Variants in IL9R observed in about 807,000 individuals in gnomAD.
The protein encoded by IL9R is interleukin-9 receptor.
A neutral mutation model predicts 56.3 loss-of-function variants in IL9R; 54 were observed. That is an observed-to-expected ratio of 0.96 (90% CI 0.77 to 1.20). IL9R has a LOEUF of 1.20. IL9R is among the 50% of genes most tolerant of loss of function. The probability of loss-of-function intolerance (pLI) is 0.00; values close to 1 mark genes in which losing one functional copy is unlikely to be tolerated. For missense variants in IL9R, 545 were observed against 629.8 expected, an observed-to-expected ratio of 0.87 and a Z score of 1.44; for synonymous variants, 212 against 250.2, an observed-to-expected ratio of 0.85 and a Z score of 1.44.
chrX:156,007,043 G>T (rs1353117618), intron 7 of IL9R, among the ~76,000 whole-genome samples: 1 of 151,976 alleles, frequency 6.6e-6, no homozygotes, highest in Non-Finnish European at 1.5e-5. Context: ...GTGGGGAAAT[G>T]GGGGACAGCC....
In IL9R at chrX:156,008,854, G is replaced by A. The variant is rs751022716; in HGVS notation, c.973-962G>A. ...TTTGAAAGTCACCAGTCCTGACAGC[G>A]ATTCGTGTGTGTGTCTGTGTGTGTG... On this transcript the variant is annotated intron_variant, in intron 8 of 8. Transcript: ENST00000244174. 8.6e-5 allele frequency among the ~76,000 whole-genome samples: 13 copies of A among 151,630 alleles called. No individual in the cohort carries two copies. The East Asian group carries it at 2.5e-3, about 29-fold the overall frequency.
At chrX:155,999,613 G>C (rs1342232746) in intron 1 of IL9R, among the ~76,000 whole-genome samples, 4 of 152,106 alleles carry the variant, frequency 2.6e-5, no homozygotes, top group African/African-American at 9.7e-5. Flanking sequence ...TCCAGAGAGG[G>C]AGCTGGCCCC....
In IL9R at chrX:156,003,751, C is replaced by G; in HGVS notation, c.329C>G (p.Ala110Gly). The G allele has an allele frequency of 6.2e-7, 1 of 1,613,976 alleles. No homozygotes were observed. The highest frequency in any genetic ancestry group is 1.1e-5 in the South Asian group (1 of 91,058). Residue 110 changes from alanine (A) to glycine (G), a missense_variant, in exon 4 of 9, where the codon GCA becomes GGA. Around this residue, in one of 2 missense-constraint regions of IL9R, gnomAD observed 431 missense variants for 360.0 expected, o/e 1.20. Coordinates refer to ENST00000244174, the MANE Select transcript of IL9R (RefSeq NM_002186.3). The part of the protein sequence containing the change: ...SECTVVLPPE[A>G]VLVPSDNFTI... The stretch of plus-strand genomic sequence containing the variant: ...TGCACCGTCGTGCTGCCACCTGAGG[C>G]AGTGCTCGTGCCATCTGACAATTTC...
chrX:156,000,675 A>G (rs2067458119), intron 1 of IL9R, among the ~76,000 whole-genome samples: 2 of 152,186 alleles, frequency 1.3e-5, no homozygotes, highest in African/African-American at 2.4e-5. Context: ...ATTCAGGAGC[A>G]GGGAGCCTGT....
intron 4 of IL9R, chrX:156,004,165 C>A (rs1413197436): frequency 1.7e-6 from 1 of 599,876 alleles, no homozygotes; most frequent in Admixed American, 3.0e-5. Context: ...CTGGGAAAAG[C>A]TTCCAGCAGC....
rs766998145 is a variant in IL9R, at chrX:156,006,115, A to C, written c.814A>C (p.Asn272His). The C allele has an allele frequency of 1.2e-6, 2 of 1,601,184 alleles. No homozygotes were observed. Among genetic ancestry groups the C allele is most frequent in the South Asian group, 2.2e-5 (2 of 90,742 alleles). The change falls in exon 7 of 9, where the codon AAC becomes CAC. Residue 272 changes from asparagine (N) to histidine (H), a missense_variant. Around this residue, in one of 2 missense-constraint regions of IL9R, gnomAD observed 431 missense variants for 360.0 expected, o/e 1.20. Coordinates refer to ENST00000244174, the MANE Select transcript of IL9R (RefSeq NM_002186.3). ...PLIPPWGWPGNTLVAVSIFLL... is the reference protein window; with the variant it reads ...PLIPPWGWPGHTLVAVSIFLL... ...GATCCCACCCTGGGGGTGGCCAGGC[A>C]ACACCCTTGTTGCTGTGTCCATCTT...
At chrX:156,006,004 C>T (rs3093510) in intron 6 of IL9R, 79 bp from the exon 7 acceptor site, 107,383 of 683,076 alleles carry the variant, frequency 0.16, 7,975 homozygotes, top group Middle Eastern at 0.27. Context: ...CACTAAAGGG[C>T]GCACCTTTGC....
intron 8 of IL9R, among the ~76,000 whole-genome samples, chrX:156,009,326 CTG>C (rs1399403207): frequency 9.6e-5 from 12 of 125,314 alleles, no homozygotes; most frequent in South Asian, 5.0e-4. Context: ...GTGTTTATGT[CTG>C]TGTGTGTTTG....
Position 156,009,682 on chromosome X carries a change from C to A in IL9R, c.973-134C>A. 5 of 516,960 alleles carry A rather than the reference C, an allele frequency of 9.7e-6. 1 individual carries two copies. Among genetic ancestry groups the A allele is most frequent in the South Asian group, 2.7e-5 (1 of 36,690 alleles). 32.0% of individuals were successfully genotyped at this position (516,960 alleles called of 1,614,324 possible). On this transcript the variant is annotated intron_variant, in intron 8 of 8. Transcript: ENST00000244174. The stretch of plus-strand genomic sequence containing the variant: ...GTCCAAGACACAGGCGCTGCTTGGC[C>A]TCTGGGTGTGGACCTCAGGAGGGCT...
Position 156,003,131 on chromosome X carries a change from C to T in IL9R, c.142+112C>T, listed in dbSNP as rs2067655523. 3.7e-6 allele frequency: 5 copies of T among 1,343,100 alleles called. No individual in the cohort carries two copies. The Admixed American group carries it at 9.0e-5, about 24-fold the overall frequency. 83.2% of individuals were successfully genotyped at this position (1,343,100 alleles called of 1,614,324 possible). On this transcript the variant is annotated intron_variant, in intron 2 of 8. Coordinates refer to ENST00000244174, the MANE Select transcript of IL9R (RefSeq NM_002186.3). ...AGGGAAAGGTTTGGCCCAAACTGTG[C>T]TGGGGCATGTCCTCTAGGGGTCAGC...
chrX:155,998,460 C>G (rs1454939804), intron 1 of IL9R, among the ~76,000 whole-genome samples: 3 of 152,074 alleles, frequency 2.0e-5, no homozygotes, highest in Non-Finnish European at 4.4e-5. Context: ...TTGGATCCTC[C>G]TCTCCCCTCC....
chrX:156,009,263 T>A, intron 8 of IL9R, among the ~76,000 whole-genome samples: 1 of 45,828 alleles, frequency 2.2e-5, no homozygotes, highest in Non-Finnish European at 5.0e-5. Flanking sequence ...TGTGTGTGTG[T>A]GTTTGTGTGT....
In IL9R at chrX:156,003,049, G is replaced by A. The variant is rs1249945559; in HGVS notation, c.142+30G>A. 1.3e-5 allele frequency: 21 copies of A among 1,613,446 alleles called. No homozygotes were observed. In the Middle Eastern group the frequency reaches 5.1e-4, roughly 39 times the overall value. On this transcript the variant is annotated intron_variant, in intron 2 of 8. Coordinates refer to ENST00000244174, the MANE Select transcript of IL9R (RefSeq NM_002186.3). ...GGGCTGGGCACTAATGTCTGTATGA[G>A]GTGGGTGGAGAACTAGGGCATGTTT...
At chrX:156,009,015 CTCTGTGTGTGTGTCTGTA>C (rs1261130082) in intron 8 of IL9R, among the ~76,000 whole-genome samples, 4 of 81,078 alleles carry the variant, frequency 4.9e-5, no homozygotes, top group Non-Finnish European at 8.3e-5. Context: ...GTGTGTGTGT[CTCTGTGTGTGTGTCTGTA>C]TCTGTGTGTG....
intron 5 of IL9R, among the ~76,000 whole-genome samples, chrX:156,004,784 C>T (rs910840467): frequency 7.9e-5 from 12 of 152,022 alleles, no homozygotes; most frequent in Admixed American, 6.6e-4. Context: ...TGTGTGTGCA[C>T]ATAAGTGTGG....
At chrX:156,005,807 C>T (rs184636683) in intron 6 of IL9R, among the ~76,000 whole-genome samples, 2,389 of 152,188 alleles carry the variant, frequency 0.016, 21 homozygotes, top group Non-Finnish European at 0.024. Context: ...TTGCGCACTG[C>T]AGTGCTGAGA....
At chrX:156,004,832 A>T (rs2067804508) in intron 5 of IL9R, among the ~76,000 whole-genome samples, 1 of 151,782 alleles carries the variant, frequency 6.6e-6, no homozygotes, top group Non-Finnish European at 1.5e-5. Context: ...ACACATATGT[A>T]ACTGTGCACA....
At chrX:156,004,688 G>A (rs1158547593) in intron 5 of IL9R, 123 bp downstream of exon 5, 5 of 978,716 alleles carry the variant, frequency 5.1e-6, no homozygotes, top group South Asian at 1.5e-5. Flanking sequence ...ACTAGAGCGG[G>A]GTGTGTGTGC....
At chrX:155,999,380 C>T (rs1326989892) in intron 1 of IL9R, among the ~76,000 whole-genome samples, 3 of 152,166 alleles carry the variant, frequency 2.0e-5, no homozygotes, top group Non-Finnish European at 4.4e-5. Flanking sequence ...ATCCTCTTCT[C>T]TGAAAGTGTG....
Sources: gnomAD v4.1 joint callset for allele counts (sites outside exome capture counted in the v4.1 genomes callset) on GRCh38, gnomAD v4.1.1 for gene constraint, gnomAD v4.1.1 regional missense constraint, MANE v1.5 for transcripts, NCBI Gene and HGNC (gene_info 2026-07-23, HGNC 2026-07-21) for gene names.